The following ERICH6B variants were observed in gnomAD, a reference collection of about 807,000 sequenced individuals.
The protein encoded by ERICH6B is glutamate-rich protein 6B.
Under a neutral mutation model 80.0 loss-of-function variants are expected in ERICH6B, and 69 were observed. That is an observed-to-expected ratio of 0.86 (90% CI 0.71 to 1.05). The LOEUF is 1.05. ERICH6B is among the 50% of genes least tolerant of loss of function. ERICH6B has a pLI of 0.00. For missense variants in ERICH6B, 754 were observed against 796.1 expected (o/e 0.95, Z 0.64); for synonymous variants, 283 against 291.9 (o/e 0.97, Z 0.31).
At chr13:45,608,199 A>G (rs1949880500) in intron 1 of ERICH6B, among the ~76,000 whole-genome samples, 1 of 152,100 alleles carries the variant, frequency 6.6e-6, no homozygotes, top group Non-Finnish European at 1.5e-5. Flanking sequence ...AAATAAAAAT[A>G]TTTTCCTCCA....
Position 45,580,620 on chromosome 13 carries a change from G to C in ERICH6B, c.902C>G (p.Thr301Arg), listed in dbSNP as rs772600831. The C allele has an allele frequency of 1.9e-6, 3 of 1,551,488 alleles. No homozygotes were observed. The highest frequency in any genetic ancestry group is 1.4e-5 in the African/African-American group (1 of 73,008). ...SKSETEQETT[T>R]KLAPEEHVNT... ...AACTTTACCTTCCGGAGCCAGCTTC[G>C]TGGTGGTTTCTTGCTCTGTTTCTGA... The change falls in exon 6 of 15, where the codon ACG becomes AGG. Residue 301 changes from threonine to arginine, a missense_variant. Transcript: ENST00000298738.
At chr13:45,564,882 C>T (rs573391439) in intron 9 of ERICH6B, among the ~76,000 whole-genome samples, 1 of 152,334 alleles carries the variant, frequency 6.6e-6, no homozygotes, top group African/African-American at 2.4e-5. Flanking sequence ...TTTGGGAAGA[C>T]TGGCTGTTCG....
chr13:45,566,726 T>C (rs1593783444), intron 9 of ERICH6B, among the ~76,000 whole-genome samples: 2 of 152,018 alleles, frequency 1.3e-5, no homozygotes. Context: ...AGGGGCGGGG[T>C]CCTCATGGAG....
chr13:45,597,161 T>C, intron 2 of ERICH6B, 98 bp from the exon 3 acceptor site: 1 of 844,058 alleles, frequency 1.2e-6, no homozygotes, highest in Non-Finnish European at 1.8e-6. Flanking sequence ...CAGTAGTCTT[T>C]GGAGGGCTCT....
intron 8 of ERICH6B, among the ~76,000 whole-genome samples, chr13:45,571,267 A>C (rs898950445): frequency 1.3e-5 from 2 of 152,166 alleles, no homozygotes; most frequent in Non-Finnish European, 2.9e-5. Flanking sequence ...AATGTGTATC[A>C]TGACTAGTTT....
At chr13:45,594,234 C>T (rs1876271910) in intron 3 of ERICH6B, among the ~76,000 whole-genome samples, 1 of 152,206 alleles carries the variant, frequency 6.6e-6, no homozygotes, top group South Asian at 2.1e-4. Flanking sequence ...TAGACCAAGA[C>T]ATTCTTTCAT....
chr13:45,574,759 A>T, intron 8 of ERICH6B, 83 bp downstream of exon 8: 1 of 1,071,414 alleles, frequency 9.3e-7, no homozygotes, highest in Non-Finnish European at 1.4e-6. Context: ...CCAAGACCTC[A>T]GCCAGCTTGC....
At chr13:45,549,727 T>G (rs960563949) in intron 13 of ERICH6B, among the ~76,000 whole-genome samples, 166 bp downstream of exon 13, 1 of 152,222 alleles carries the variant, frequency 6.6e-6, no homozygotes, top group Admixed American at 6.5e-5. Flanking sequence ...TCGTGCCTCC[T>G]CTGTGGTCAG....
intron 9 of ERICH6B, among the ~76,000 whole-genome samples, chr13:45,568,091 G>A (rs1266411339): frequency 6.6e-6 from 1 of 152,132 alleles, no homozygotes; most frequent in Non-Finnish European, 1.5e-5. Context: ...CAATATCCTT[G>A]CTCTTGAGTT....
chr13:45,563,574 A>T, intron 10 of ERICH6B, 153 bp downstream of exon 10: 2 of 722,422 alleles, frequency 2.8e-6, no homozygotes, highest in Non-Finnish European at 4.9e-6. Flanking sequence ...TCGGTATTTC[A>T]TCCCTGGCAG....
chr13:45,589,421 T>C (rs1042894068), intron 4 of ERICH6B, among the ~76,000 whole-genome samples: 8 of 152,170 alleles, frequency 5.3e-5, no homozygotes, highest in African/African-American at 1.9e-4. Flanking sequence ...TGGCGGTTCG[T>C]GGGGTGCAGA....
rs1454641982 is a variant in ERICH6B, at chr13:45,544,860, T to C, written c.1772A>G (p.Asn591Ser). ...CCTTATTTGTACCTGGATGTACTCA[T>C]TGATTTTCAAGGAGATGGGCTGGAC... ...PPVQPISLKI[N>S]EYIQVQIRSQ... The change falls in exon 14 of 15, where the codon AAT becomes AGT. Residue 591 changes from asparagine to serine, a missense_variant. Coordinates refer to ENST00000298738, the MANE Select transcript of ERICH6B (RefSeq NM_182542.3). The C allele has an allele frequency of 7.1e-6, 11 of 1,551,606 alleles. No homozygotes were observed. Among genetic ancestry groups the C allele is most frequent in the African/African-American group, 5.5e-5 (4 of 73,046 alleles).
At position 45,585,381 on chromosome 13, in the gene ERICH6B, T is replaced by C. The variant is rs564565740; in HGVS notation, c.856+1682A>G. Among the ~76,000 whole-genome samples, 14 of 152,298 alleles carry C rather than the reference T, an allele frequency of 9.2e-5. No individual in the cohort carries two copies. In the South Asian group the frequency reaches 2.9e-3, roughly 32 times the overall value. ...AGGAGCTGCTAAATCTATTCATTCT[T>C]TGTCCCTCTTTGTCACACTTGCGCC... On this transcript the variant is annotated intron_variant, in intron 5 of 14. Transcript: ENST00000298738.
chr13:45,599,143 A>G (rs1246050231), intron 2 of ERICH6B, among the ~76,000 whole-genome samples: 1 of 152,228 alleles, frequency 6.6e-6, no homozygotes, highest in Non-Finnish European at 1.5e-5. Context: ...TAGCTTCACC[A>G]AATGTAAATC....
chr13:45,614,654 G>C (rs1015836883), intron 1 of ERICH6B, among the ~76,000 whole-genome samples: 1 of 152,234 alleles, frequency 6.6e-6, no homozygotes, highest in African/African-American at 2.4e-5. Context: ...TCTCCCAGCC[G>C]ATGCTTGGAA....
In ERICH6B at chr13:45,580,041, C is replaced by A. The variant is rs532048982; in HGVS notation, c.920-67G>T. The A allele has an allele frequency of 3.0e-5, 38 of 1,253,838 alleles. 1 individual carries two copies. The South Asian group carries it at 4.8e-4, about 16-fold the overall frequency. 77.7% of individuals were successfully genotyped at this position (1,253,838 alleles called of 1,614,324 possible). On this transcript the variant is annotated intron_variant, in intron 6 of 14. Transcript: ENST00000298738. ...GTGAACTAGTCCAGACCTTTTAATC[C>A]CTTATGGAATCAATTTAAAAATCAT...
At chr13:45,549,651 A>G (rs548466193) in intron 13 of ERICH6B, among the ~76,000 whole-genome samples, 1 of 152,294 alleles carries the variant, frequency 6.6e-6, no homozygotes, top group South Asian at 2.1e-4. Flanking sequence ...AAACCAATAG[A>G]ATGTGGTGGT....
intron 2 of ERICH6B, among the ~76,000 whole-genome samples, chr13:45,602,833 T>A (rs544167055): frequency 1.3e-5 from 2 of 152,336 alleles, no homozygotes; most frequent in East Asian, 3.9e-4. Context: ...ACACACATCT[T>A]GCCTGCATTA....
chr13:45,561,603 AAGGTGCCAAAGGG>A (rs1874686190), intron 10 of ERICH6B, 77 bp from the exon 11 acceptor site: 1 of 1,484,632 alleles, frequency 6.7e-7, no homozygotes. Flanking sequence ...TGTCTCTCTC[AAGGTGCCAAAGGG>A]AGTTTGAGGG....
Sources: allele counts gnomAD v4.1 joint callset (sites outside exome capture counted in the v4.1 genomes callset), GRCh38; gene constraint gnomAD v4.1.1; transcripts MANE v1.5; gene names NCBI Gene and HGNC (gene_info 2026-07-23, HGNC 2026-07-21).